The following ZBTB26 variants were observed in gnomAD, a reference collection of about 807,000 sequenced individuals.
ZBTB26 encodes the protein zinc finger and BTB domain-containing protein 26.
A neutral mutation model predicts 31.6 loss-of-function variants in ZBTB26; 12 were observed. The ratio of observed to expected loss-of-function variants is 0.38; its 90% CI spans 0.24 to 0.61. The LOEUF (loss-of-function observed/expected upper bound fraction) is 0.61. Ranked by LOEUF, ZBTB26 falls within the 20% of genes least tolerant of loss-of-function variation. The pLI is 0.60. For missense variants in ZBTB26, 311 were observed against 521.9 expected, an observed-to-expected ratio of 0.60 and a Z score of 3.94; for synonymous variants, 155 against 182.9, an observed-to-expected ratio of 0.85 and a Z score of 1.23.
intron 1 of ZBTB26, among the ~76,000 whole-genome samples, chr9:122,928,168 G>A (rs1236921129): frequency 6.6e-6 from 1 of 152,098 alleles, no homozygotes; most frequent in Non-Finnish European, 1.5e-5. Flanking sequence ...ACTTCTATAT[G>A]TCTAGCCACA....
chr9:122,917,683 A>G lies in ZBTB26; in HGVS notation c.*926T>C, dbSNP rs1833032508. On this transcript the variant is annotated 3_prime_UTR_variant, in exon 2 of 2. Transcript: ENST00000373656. ...TTATGGTGCACAGGACAAAACTCTG[A>G]TGGCCAAACTCACCTTTCTGATGGC... 6.6e-6 allele frequency: 1 copy of G among 152,188 alleles called. No homozygotes were observed. The highest frequency in any genetic ancestry group is 1.5e-5 in the Non-Finnish European group (1 of 68,022). 9.4% of individuals were successfully genotyped at this position (152,188 alleles called of 1,614,324 possible). A position where few individuals can be genotyped will look rare whatever the true frequency, so the allele number is the denominator to read the frequency against.
intron 1 of ZBTB26, among the ~76,000 whole-genome samples, chr9:122,921,915 GAGCAAAA>G (rs1332228086): frequency 6.9e-6 from 1 of 144,468 alleles, no homozygotes; most frequent in Non-Finnish European, 1.5e-5. Flanking sequence ...TGGGCAACAA[GAGCAAAA>G]CTCCATCACA....
intron 1 of ZBTB26, among the ~76,000 whole-genome samples, chr9:122,929,380 C>T (rs970097673): frequency 3.3e-5 from 5 of 152,164 alleles, no homozygotes; most frequent in Admixed American, 1.3e-4. Flanking sequence ...ATCAATGAGC[C>T]TCTCTTTGCT....
chr9:122,915,573 G>C lies in ZBTB26; in HGVS notation c.*3036C>G, dbSNP rs905546153. On this transcript the variant is annotated 3_prime_UTR_variant, in exon 2 of 2. Coordinates refer to ENST00000373656, the MANE Select transcript of ZBTB26 (RefSeq NM_020924.4). ...AACCAATGACACCAGAGCTTTAATCGTCACACTTTTATTAAGGAAACTTCC... is the reference window on the plus strand; with the variant it reads ...AACCAATGACACCAGAGCTTTAATCCTCACACTTTTATTAAGGAAACTTCC... 2 of 152,156 alleles carry C rather than the reference G, an allele frequency of 1.3e-5. No homozygotes were observed. The highest frequency in any genetic ancestry group is 1.3e-4 in the Admixed American group (2 of 15,266). 9.4% of individuals were successfully genotyped at this position (152,156 alleles called of 1,614,324 possible).
At chr9:122,924,061 C>T (rs972597117) in intron 1 of ZBTB26, among the ~76,000 whole-genome samples, 5 of 152,144 alleles carry the variant, frequency 3.3e-5, no homozygotes, top group African/African-American at 4.8e-5. Context: ...AAGTATACTC[C>T]GTGATATTCA....
intron 1 of ZBTB26, among the ~76,000 whole-genome samples, chr9:122,925,032 ATACC>A (rs1833156666): frequency 6.6e-6 from 1 of 152,158 alleles, no homozygotes; most frequent in Admixed American, 6.5e-5. Flanking sequence ...AAGAGAAATG[ATACC>A]TAATCTTCCT....
intron 1 of ZBTB26, among the ~76,000 whole-genome samples, chr9:122,920,998 C>T (rs1356718508): frequency 6.6e-6 from 1 of 152,142 alleles, no homozygotes; most frequent in Non-Finnish European, 1.5e-5. Context: ...AGTGACTTCC[C>T]GTTGTCTCCT....
chr9:122,924,832 C>T (rs1469753863), intron 1 of ZBTB26, among the ~76,000 whole-genome samples: 1 of 151,896 alleles, frequency 6.6e-6, no homozygotes, highest in East Asian at 1.9e-4. Flanking sequence ...CGCTGTGTTG[C>T]CTAGGCTGGA....
At chr9:122,922,859 C>G (rs1833120512) in intron 1 of ZBTB26, among the ~76,000 whole-genome samples, 1 of 152,116 alleles carries the variant, frequency 6.6e-6, no homozygotes, top group African/African-American at 2.4e-5. Context: ...TGTAAAGATT[C>G]TACATTTAGG....
In ZBTB26 at chr9:122,917,816, A is replaced by G. The variant is rs746987782; in HGVS notation, c.*793T>C. 3.9e-5 allele frequency: 6 copies of G among 152,216 alleles called. No homozygotes were observed. Among genetic ancestry groups the G allele is most frequent in the Admixed American group, 1.3e-4 (2 of 15,278 alleles). 9.4% of individuals were successfully genotyped at this position (152,216 alleles called of 1,614,324 possible). On this transcript the variant is annotated 3_prime_UTR_variant, in exon 2 of 2. Coordinates refer to ENST00000373656, the MANE Select transcript of ZBTB26 (RefSeq NM_020924.4). The stretch of plus-strand genomic sequence containing the variant: ...CTGGAGCAGTCCTGATCTCAAAAGC[A>G]TCAACAAGTTACACATTAATTATAA...
chr9:122,918,480 T>A lies in ZBTB26; in HGVS notation c.*129A>T, dbSNP rs1833047099. On this transcript the variant is annotated 3_prime_UTR_variant, in exon 2 of 2. Transcript: ENST00000373656. Reference sequence around the variant, plus strand: ...AGTGGTAAGTTGCCTGGTCTATTAGTGCTTTGACTCACTCCCTACCACCTA... The same window carrying A: ...AGTGGTAAGTTGCCTGGTCTATTAGAGCTTTGACTCACTCCCTACCACCTA... The A allele has an allele frequency of 1.4e-6, 2 of 1,400,330 alleles. No homozygotes were observed. Among genetic ancestry groups the A allele is most frequent in the Non-Finnish European group, 1.9e-6 (2 of 1,047,622 alleles). 86.7% of individuals were successfully genotyped at this position (1,400,330 alleles called of 1,614,324 possible).
In ZBTB26 at chr9:122,918,447, C is replaced by A; in HGVS notation, c.*162G>T. 3 of 1,041,596 alleles carry A rather than the reference C, an allele frequency of 2.9e-6. No individual in the cohort carries two copies. Among genetic ancestry groups the A allele is most frequent in the African/African-American group, 1.6e-5 (1 of 62,398 alleles). 64.5% of individuals were successfully genotyped at this position (1,041,596 alleles called of 1,614,324 possible). A position where few individuals can be genotyped will look rare whatever the true frequency, so the allele number is the denominator to read the frequency against. On this transcript the variant is annotated 3_prime_UTR_variant, in exon 2 of 2. Transcript: ENST00000373656. ...GGGAGAGGGCAAAAGTAAGGCAAAT[C>A]CACTCCAAGTGGTAAGTTGCCTGGT...
intron 1 of ZBTB26, among the ~76,000 whole-genome samples, chr9:122,921,707 G>A (rs986864422): frequency 2.0e-5 from 3 of 152,316 alleles, no homozygotes; most frequent in East Asian, 1.9e-4. Context: ...CAAGGCAGGC[G>A]GATCACCTGA....
intron 1 of ZBTB26, among the ~76,000 whole-genome samples, chr9:122,924,411 T>C (rs1218779688): frequency 6.6e-6 from 1 of 152,164 alleles, no homozygotes; most frequent in Non-Finnish European, 1.5e-5. Context: ...TTGAGGGCAA[T>C]GACCAATGGT....
intron 1 of ZBTB26, among the ~76,000 whole-genome samples, chr9:122,924,626 T>A (rs1833150910): frequency 6.6e-6 from 1 of 151,276 alleles, no homozygotes. Flanking sequence ...TTTCTTTTTT[T>A]TTTTTTTTTT....
At chr9:122,925,720 T>C (rs1026512052) in intron 1 of ZBTB26, among the ~76,000 whole-genome samples, 5 of 151,084 alleles carry the variant, frequency 3.3e-5, no homozygotes, top group East Asian at 2.0e-4. Context: ...TGCCTCAGCC[T>C]CCTGAGTAGC....
rs1191602280 is a variant in ZBTB26, at chr9:122,916,455, C to T, written c.*2154G>A. The T allele has an allele frequency of 6.6e-6, 1 of 152,184 alleles. No individual in the cohort carries two copies. Among genetic ancestry groups the T allele is most frequent in the African/African-American group, 2.4e-5 (1 of 41,450 alleles). 9.4% of individuals were successfully genotyped at this position (152,184 alleles called of 1,614,324 possible). On this transcript the variant is annotated 3_prime_UTR_variant, in exon 2 of 2. Coordinates refer to ENST00000373656, the MANE Select transcript of ZBTB26 (RefSeq NM_020924.4). The stretch of plus-strand genomic sequence containing the variant: ...CAGAAATAGTCTCCAACCAAAGAGA[C>T]CAATCTTATTTGAACCCGTGCCTTT...
At chr9:122,930,383 T>C (rs939677015) in intron 1 of ZBTB26, among the ~76,000 whole-genome samples, 44 of 152,220 alleles carry the variant, frequency 2.9e-4, no homozygotes, top group African/African-American at 1.1e-3. Flanking sequence ...ATTTGTCTCC[T>C]TACCAATGAC....
chr9:122,915,743 C>T lies in ZBTB26; in HGVS notation c.*2866G>A, dbSNP rs1334481912. On this transcript the variant is annotated 3_prime_UTR_variant, in exon 2 of 2. Transcript: ENST00000373656. Reference sequence around the variant, plus strand: ...CATTGGTCACCTTCCATTTATAGATCTGCTAATAAAGAAACTTAAATTAAA... The same window carrying T: ...CATTGGTCACCTTCCATTTATAGATTTGCTAATAAAGAAACTTAAATTAAA... The T allele has an allele frequency of 4.6e-5, 7 of 152,172 alleles. No homozygotes were observed. In the South Asian group the frequency reaches 1.4e-3, roughly 32 times the overall value. The allele number at this position is 152,172 out of a possible 1,614,324, so 9.4% of individuals were successfully genotyped here. A position where few individuals can be genotyped will look rare whatever the true frequency, so the allele number is the denominator to read the frequency against.
Sources: gnomAD v4.1 joint callset for allele counts (sites outside exome capture counted in the v4.1 genomes callset) on GRCh38, gnomAD v4.1.1 for gene constraint, MANE v1.5 for transcripts, NCBI Gene and HGNC (gene_info 2026-07-23, HGNC 2026-07-21) for gene names.